NREP: variants seen among roughly 807,000 people sequenced by gnomAD.
NREP encodes the protein neuronal regeneration related protein.
In NREP, 5 loss-of-function variants were observed where a neutral mutation model predicts 8.6. The observed-to-expected ratio is 0.58, with a 90% CI of 0.30 to 1.22. NREP has a LOEUF of 1.22. NREP is among the 50% of genes most tolerant of loss of function. NREP has a pLI of 0.07. For missense variants in NREP, 86 were observed against 82.5 expected (o/e 1.04, Z -0.17); for synonymous variants, 27 against 28.0 (o/e 0.96, Z 0.11).
At chr5:111,968,051 T>G (rs1042658563) in intron 2 of NREP, among the ~76,000 whole-genome samples, 1 of 152,174 alleles carries the variant, frequency 6.6e-6, no homozygotes, top group African/African-American at 2.4e-5. Context: ...GTCAGGAAAC[T>G]ATTTTCAACA....
At chr5:111,976,337 A>G (rs1247433817) in intron 1 of NREP, among the ~76,000 whole-genome samples, 1 of 152,152 alleles carries the variant, frequency 6.6e-6, no homozygotes, top group Non-Finnish European at 1.5e-5. Flanking sequence ...CCTTAAAACA[A>G]TTTTGATGTT....
At chr5:111,805,173 G>C (rs942336276) in intron 2 of NREP, among the ~76,000 whole-genome samples, 2 of 152,148 alleles carry the variant, frequency 1.3e-5, no homozygotes, top group African/African-American at 4.8e-5. Context: ...CTGTCAAGTT[G>C]GTAAAACTTC....
intron 2 of NREP, among the ~76,000 whole-genome samples, chr5:111,956,395 G>A (rs1756319973): frequency 6.6e-6 from 1 of 151,930 alleles, no homozygotes; most frequent in Non-Finnish European, 1.5e-5. Flanking sequence ...TTGTGAAATA[G>A]TATATTGATA....
At position 111,938,625 on chromosome 5, in the gene NREP, G is replaced by A. The variant is rs191348878; in HGVS notation, c.135+36649C>T. On this transcript the variant is annotated intron_variant, in intron 2 of 3. Coordinates refer to the NREP transcript ENST00000395634. The stretch of plus-strand genomic sequence containing the variant: ...TGTGTGACCTCTAGAACAAGTTACC[G>A]AACCTATGCCGGGGATAATATCATG... Among the ~76,000 whole-genome samples, 11 of 152,044 alleles carry A rather than the reference G, an allele frequency of 7.2e-5. No homozygotes were observed. In the East Asian group the frequency reaches 1.9e-3, roughly 27 times the overall value.
intron 1 of NREP, among the ~76,000 whole-genome samples, chr5:111,975,714 A>G (rs1756943962): frequency 6.6e-6 from 1 of 152,222 alleles, no homozygotes; most frequent in Middle Eastern, 3.2e-3. Context: ...TTCAAATGCC[A>G]TATTTTCCAT....
intron 2 of NREP, among the ~76,000 whole-genome samples, chr5:111,888,579 C>T (rs576477278): frequency 1.3e-5 from 2 of 152,230 alleles, no homozygotes; most frequent in African/African-American, 4.8e-5. Flanking sequence ...ACGGAGATTA[C>T]AATTAAAGGT....
intron 2 of NREP, among the ~76,000 whole-genome samples, chr5:111,965,640 T>A (rs941152111): frequency 1.3e-5 from 2 of 152,154 alleles, no homozygotes; most frequent in African/African-American, 4.8e-5. Context: ...CCAGCTATAA[T>A]GTCATTTCAT....
intron 2 of NREP, among the ~76,000 whole-genome samples, chr5:111,963,440 GT>G (rs1259975431): frequency 2.6e-5 from 4 of 152,160 alleles, no homozygotes; most frequent in East Asian, 1.9e-4. Context: ...CAAAAAATAT[GT>G]TTTTTAACTG....
chr5:111,866,526 G>A (rs1200383980), intron 2 of NREP, among the ~76,000 whole-genome samples: 5 of 152,292 alleles, frequency 3.3e-5, no homozygotes, highest in African/African-American at 1.2e-4. Context: ...TGGAGAAAGA[G>A]GAACACTTAC....
intron 2 of NREP, among the ~76,000 whole-genome samples, chr5:111,875,881 T>C (rs1402478716): frequency 1.3e-5 from 2 of 152,044 alleles, no homozygotes; most frequent in Non-Finnish European, 2.9e-5. Flanking sequence ...AGAGAATAGC[T>C]CTCTCCTACA....
chr5:111,846,663 G>A (rs1349336058), intron 2 of NREP: 1 of 151,714 alleles, frequency 6.6e-6, no homozygotes, highest in Non-Finnish European at 1.5e-5. Context: ...TCACTTTTCA[G>A]TAATTCAAAT....
intron 2 of NREP, among the ~76,000 whole-genome samples, chr5:111,916,158 TA>T (rs1487815730): frequency 1.3e-5 from 2 of 152,050 alleles, no homozygotes; most frequent in African/African-American, 4.8e-5. Context: ...ATATATAGTA[TA>T]TAGTGATCAA....
intron 2 of NREP, among the ~76,000 whole-genome samples, chr5:111,825,376 C>CG (rs1752598717): frequency 6.6e-6 from 1 of 152,168 alleles, no homozygotes; most frequent in African/African-American, 2.4e-5. Context: ...CAGCTGCAAA[C>CG]TTCATTATCT....
chr5:111,844,268 A>T (rs1268658044), intron 2 of NREP, among the ~76,000 whole-genome samples: 3 of 152,094 alleles, frequency 2.0e-5, no homozygotes, highest in African/African-American at 7.2e-5. Context: ...ATAAAATTCT[A>T]TATTTAGTTA....
At chr5:111,957,314 C>T (rs1285048807) in intron 2 of NREP, among the ~76,000 whole-genome samples, 3 of 151,716 alleles carry the variant, frequency 2.0e-5, no homozygotes, top group Non-Finnish European at 2.9e-5. Flanking sequence ...GGGAAATTTT[C>T]TGGAAAATGT....
chr5:111,791,884 T>C (rs1423221439), intron 2 of NREP, among the ~76,000 whole-genome samples: 1 of 152,232 alleles, frequency 6.6e-6, no homozygotes, highest in Non-Finnish European at 1.5e-5. Context: ...GCCTCTTTTA[T>C]TGAGTTTGCC....
intron 2 of NREP, among the ~76,000 whole-genome samples, chr5:111,858,317 T>G (rs1467323369): frequency 6.6e-6 from 1 of 152,034 alleles, no homozygotes; most frequent in East Asian, 1.9e-4. Context: ...TTCTTTCTAT[T>G]TTATTTCCTT....
intron 2 of NREP, 95 bp from the exon 3 acceptor site, chr5:111,735,602 G>C (rs1003181389): frequency 3.4e-5 from 28 of 813,050 alleles, no homozygotes; most frequent in Admixed American, 1.2e-4. Flanking sequence ...TCTCCTCAAT[G>C]GTTACTTATT....
chr5:111,792,923 T>G (rs1751785035), intron 2 of NREP, among the ~76,000 whole-genome samples: 1 of 152,214 alleles, frequency 6.6e-6, no homozygotes, highest in Non-Finnish European at 1.5e-5. Flanking sequence ...ACGTTTCTTT[T>G]TATTTGGTGG....
Sources: allele counts gnomAD v4.1 joint callset (sites outside exome capture counted in the v4.1 genomes callset), GRCh38; gene constraint gnomAD v4.1.1; transcripts MANE v1.5; gene names NCBI Gene and HGNC (gene_info 2026-07-23, HGNC 2026-07-21).